The following CD33 variants were observed in gnomAD, a reference collection of about 807,000 sequenced individuals.
The protein encoded by CD33 is myeloid cell surface antigen CD33.
In CD33, 25 loss-of-function variants were observed where a neutral mutation model predicts 31.4. The ratio of observed to expected loss-of-function variants is 0.80; its 90% CI spans 0.58 to 1.11. The LOEUF (loss-of-function observed/expected upper bound fraction) is 1.11, where lower values mean the gene tolerates loss of function less well. Among genes scored for constraint, CD33 ranks in the 50% most tolerant of loss-of-function variants. The pLI is 0.00. For synonymous variants in CD33, 176 were observed against 180.6 expected, an observed-to-expected ratio of 0.97 and a Z score of 0.20; for missense variants, 407 against 448.1, an observed-to-expected ratio of 0.91 and a Z score of 0.83.
chr19:51,216,555 A>AGCC, the CD33 span, among the ~76,000 whole-genome samples: 1 of 152,096 alleles, frequency 6.6e-6, no homozygotes, highest in African/African-American at 2.4e-5. Context: ...CTAAAAATCA[A>AGCC]AAATTAGGTG....
upstream of CD33, among the ~76,000 whole-genome samples, chr19:51,220,125 A>G (rs766464436): frequency 6.6e-6 from 1 of 152,178 alleles, no homozygotes; most frequent in Non-Finnish European, 1.5e-5. Flanking sequence ...CTGTGAAACC[A>G]TCTGGTCCTG....
the CD33 span, chr19:51,211,781 T>C: frequency 2.5e-6 from 2 of 808,378 alleles, no homozygotes; most frequent in East Asian, 4.9e-5. Flanking sequence ...GCATCCCCGT[T>C]TCCTCACCAG....
upstream of CD33, among the ~76,000 whole-genome samples, chr19:51,220,729 C>G (rs907971491): frequency 6.6e-6 from 1 of 152,104 alleles, no homozygotes; most frequent in African/African-American, 2.4e-5. Flanking sequence ...ATTACTGAGC[C>G]GCTGTGTGAT....
intron 6 of CD33, 129 bp from the exon 7 acceptor site, chr19:51,239,389 T>C (rs1269927501): frequency 1.9e-5 from 12 of 633,208 alleles, no homozygotes; most frequent in Non-Finnish European, 2.6e-5. Flanking sequence ...TTAATTAACA[T>C]TTGATGAAAG....
At chr19:51,211,820 C>G in the CD33 span, 1 of 970,800 alleles carries the variant, frequency 1.0e-6, no homozygotes, top group East Asian at 2.4e-5. Context: ...GCATCTTCAT[C>G]CCGAGGACCC....
chr19:51,237,726 C>T (rs1035789759), intron 6 of CD33: 2 of 152,172 alleles, frequency 1.3e-5, no homozygotes, highest in African/African-American at 4.8e-5. Context: ...ATTGCAGGAT[C>T]CTAAGTCCAT....
chr19:51,235,273 C>G lies in CD33; in HGVS notation c.842+20C>G. The G allele has an allele frequency of 6.2e-7, 1 of 1,604,758 alleles. No homozygotes were observed. The highest frequency in any genetic ancestry group is 8.5e-7 in the Non-Finnish European group (1 of 1,171,608). On this transcript the variant is annotated intron_variant, in intron 5 of 6. Transcript: ENST00000262262. ...CTTCATGTGAGCATTTTCTCTGGGT[C>G]AGGCATGGGCCAGAGGTGAAGAGGA...
chr19:51,238,199 T>C (rs1353556277), intron 6 of CD33: 2 of 152,232 alleles, frequency 1.3e-5, no homozygotes, highest in African/African-American at 2.4e-5. Flanking sequence ...AAATTGCCAA[T>C]GATTAAAATT....
the CD33 span, among the ~76,000 whole-genome samples, chr19:51,212,527 C>T: frequency 1.3e-5 from 2 of 151,398 alleles, no homozygotes; most frequent in Non-Finnish European, 2.9e-5. Context: ...CTGTCCCCAT[C>T]GCCCCCTCAC....
intron 4 of CD33, among the ~76,000 whole-genome samples, chr19:51,229,844 A>G (rs927750131): frequency 3.3e-5 from 5 of 151,502 alleles, no homozygotes; most frequent in Non-Finnish European, 7.4e-5. Flanking sequence ...GAACTTGTTC[A>G]TTGATTTTTT....
At chr19:51,226,484 G>C in intron 4 of CD33, 128 bp downstream of exon 4, 1 of 751,318 alleles carries the variant, frequency 1.3e-6, no homozygotes, top group Admixed American at 2.1e-5. Flanking sequence ...TAGACATCAG[G>C]CACCTTGGAA....
chr19:51,230,085 G>A (rs767402143), intron 4 of CD33, among the ~76,000 whole-genome samples: 1 of 151,954 alleles, frequency 6.6e-6, no homozygotes, highest in Non-Finnish European at 1.5e-5. Context: ...TATTTATTTT[G>A]AGAAATTTTT....
At chr19:51,232,136 T>C (rs959903767) in intron 4 of CD33, among the ~76,000 whole-genome samples, 1 of 152,240 alleles carries the variant, frequency 6.6e-6, no homozygotes, top group African/African-American at 2.4e-5. Context: ...CTATGAAATA[T>C]TTTATTTCTC....
intron 5 of CD33, 144 bp downstream of exon 5, chr19:51,235,397 G>A: frequency 8.2e-7 from 1 of 1,216,282 alleles, no homozygotes; most frequent in South Asian, 1.5e-5. Context: ...CACTGGGATA[G>A]GCGTGGGTCT....
upstream of CD33, among the ~76,000 whole-genome samples, chr19:51,223,448 C>T (rs943247748): frequency 1.3e-5 from 2 of 152,238 alleles, no homozygotes; most frequent in African/African-American, 2.4e-5. Context: ...CAGGGATCAA[C>T]GGTTTGCTGG....
intron 4 of CD33, among the ~76,000 whole-genome samples, chr19:51,227,077 T>G (rs957164729): frequency 5.3e-5 from 8 of 152,092 alleles, no homozygotes; most frequent in Non-Finnish European, 1.0e-4. Context: ...TGAATGATAA[T>G]CCATTGTGTA....
the CD33 span, among the ~76,000 whole-genome samples, chr19:51,213,811 C>T: frequency 1.3e-5 from 2 of 150,988 alleles, no homozygotes; most frequent in African/African-American, 4.9e-5. Context: ...GCTGGGATTA[C>T]AGGCGTGAAC....
chr19:51,233,361 G>A (rs1175284934), intron 4 of CD33, among the ~76,000 whole-genome samples: 3 of 152,196 alleles, frequency 2.0e-5, no homozygotes, highest in East Asian at 1.9e-4. Context: ...CTGGAAGTAC[G>A]GGCAGCAGGG....
intron 4 of CD33, 95 bp downstream of exon 4, chr19:51,226,451 C>G (rs1482908821): frequency 1.1e-5 from 12 of 1,105,982 alleles, no homozygotes; most frequent in Non-Finnish European, 1.7e-5. Flanking sequence ...TGTTCAGAGG[C>G]AAGGCCTGCA....
Sources: gnomAD v4.1 joint callset for allele counts (sites outside exome capture counted in the v4.1 genomes callset) on GRCh38, gnomAD v4.1.1 for gene constraint, MANE v1.5 for transcripts, NCBI Gene and HGNC (gene_info 2026-07-23, HGNC 2026-07-21) for gene names.